The following CCNG1 variants were observed in gnomAD, a reference collection of about 807,000 sequenced individuals.
CCNG1 encodes the protein cyclin-G1.
CCNG1 carries 13 observed loss-of-function variants against 30.0 expected under a neutral mutation model. The observed-to-expected ratio is 0.43, with a 90% CI of 0.28 to 0.69. The LOEUF (loss-of-function observed/expected upper bound fraction) is 0.69, where lower values mean the gene tolerates loss of function less well. CCNG1 is among the 30% of genes least tolerant of loss of function. The pLI is 0.16. For synonymous variants in CCNG1, 110 were observed against 121.5 expected, an observed-to-expected ratio of 0.91 and a Z score of 0.62; for missense variants, 285 against 331.4, an observed-to-expected ratio of 0.86 and a Z score of 1.09.
downstream of CCNG1, chr5:163,448,263 A>C (rs1307977951): frequency 6.6e-6 from 1 of 152,152 alleles, no homozygotes; most frequent in African/African-American, 2.4e-5. Flanking sequence ...AACAATCAAA[A>C]AACTAATTTT....
At chr5:163,448,397 G>A (rs1408335392), downstream of CCNG1, 8 of 151,892 alleles carry the variant, frequency 5.3e-5, no homozygotes, top group African/African-American at 1.2e-4. Flanking sequence ...TCATTAGAAC[G>A]ACACAAAGAA....
the CCNG1 span, among the ~76,000 whole-genome samples, chr5:163,456,657 C>T: frequency 6.6e-6 from 1 of 152,212 alleles, no homozygotes; most frequent in South Asian, 2.1e-4. Flanking sequence ...ATTGATTCAA[C>T]TATAGTAAGA....
Position 163,439,437 on chromosome 5 carries a change from A to C in CCNG1, c.181A>C (p.Ser61Arg). Residue 61 changes from serine to arginine, a missense_variant, in exon 2 of 7, where the codon AGT becomes CGT. By Grantham distance (110) the Ser-to-Arg change is moderately radical. Transcript: ENST00000340828. ...GGACTTTGAAGTAAAAGATCTTCTT[A>C]GTCTAACTCAGTTCTTTGGCTTTGA... Reference protein sequence around the residue: ...LRDFEVKDLLSLTQFFGFDTE... With the variant: ...LRDFEVKDLLRLTQFFGFDTE... 6.2e-7 allele frequency: 1 copy of C among 1,613,926 alleles called. No individual in the cohort carries two copies.
At chr5:163,439,610 T>TC (rs375912615) in intron 2 of CCNG1, 90 bp downstream of exon 2, 2 of 1,065,604 alleles carry the variant, frequency 1.9e-6, no homozygotes, top group African/African-American at 3.2e-5. Flanking sequence ...AAACTTGACC[T>TC]TTTTTTTTTC....
In CCNG1 at chr5:163,441,938, T is replaced by G. The variant is rs1757833992; in HGVS notation, c.571T>G (p.Cys191Gly). Residue 191 changes from cysteine (C) to glycine (G), a missense_variant, in exon 4 of 7, where the codon TGC becomes GGC. By Grantham distance (159) the Cys-to-Gly change is radical. Coordinates refer to ENST00000340828, the MANE Select transcript of CCNG1 (RefSeq NM_004060.4). ...AGAAGCTCAACTGAAGGCATGTCAT[T>G]GCAGGATCATATTTTCTAAAGCAAA... ...RLEAQLKACH[C>G]RIIFSKAKPS... 1 of 1,609,392 alleles carries G rather than the reference T, an allele frequency of 6.2e-7. No homozygotes were observed. Among genetic ancestry groups the G allele is most frequent in the Admixed American group, 1.7e-5 (1 of 59,952 alleles).
At chr5:163,451,292 TTTC>T in the CCNG1 span, 8 of 152,224 alleles carry the variant, frequency 5.3e-5, no homozygotes, top group African/African-American at 1.9e-4. Context: ...ATAAAGCGTT[TTTC>T]TTAATTATAT....
At chr5:163,452,628 C>T in the CCNG1 span, 1 of 152,114 alleles carries the variant, frequency 6.6e-6, no homozygotes, top group African/African-American at 2.4e-5. Flanking sequence ...AAAATAACTA[C>T]AGTGGAGAAG....
At chr5:163,445,153 A>G (rs986453236), downstream of CCNG1, 2 of 152,156 alleles carry the variant, frequency 1.3e-5, no homozygotes, top group African/African-American at 4.8e-5. Context: ...TACCAGAAAC[A>G]ATAAAATCCC....
At position 163,440,994 on chromosome 5, in the gene CCNG1, G is replaced by T. The variant is rs1259480559; in HGVS notation, c.265-84G>T. 3.6e-6 allele frequency: 5 copies of T among 1,379,394 alleles called. No homozygotes were observed. In the East Asian group the frequency reaches 1.1e-4, roughly 32 times the overall value. The allele number at this position is 1,379,394 out of a possible 1,614,324, so 85.4% of individuals were successfully genotyped here. A position where few individuals can be genotyped will look rare whatever the true frequency, so the allele number is the denominator to read the frequency against. On this transcript the variant is annotated intron_variant, in intron 2 of 6. Coordinates refer to ENST00000340828, the MANE Select transcript of CCNG1 (RefSeq NM_004060.4). Reference sequence around the variant, plus strand: ...TCAAATATACATTTTCAAAATGTTGGGTCGGAGTTCTAGATTATCCTTTAT... The same window carrying T: ...TCAAATATACATTTTCAAAATGTTGTGTCGGAGTTCTAGATTATCCTTTAT...
chr5:163,442,239 T>C (rs1041184419), intron 5 of CCNG1, 96 bp downstream of exon 5: 32 of 1,106,176 alleles, frequency 2.9e-5, no homozygotes, highest in Middle Eastern at 4.4e-4. Flanking sequence ...ATATGTTTAT[T>C]TGAAACTTAA....
rs576065398 is a variant in CCNG1, at chr5:163,437,596, C to T, written c.-209C>T. The T allele has an allele frequency of 2.0e-5, 3 of 152,296 alleles. No homozygotes were observed. The highest frequency in any genetic ancestry group is 4.8e-5 in the African/African-American group (2 of 41,534). The allele number at this position is 152,296 out of a possible 1,614,324, so 9.4% of individuals were successfully genotyped here. A position where few individuals can be genotyped will look rare whatever the true frequency, so the allele number is the denominator to read the frequency against. ...ATTCCTCGTTAGGGCAGGCGCGGCC[C>T]CTTCGGCTCCGAGCTGACCCTGATC... On this transcript the variant is annotated 5_prime_UTR_variant, in exon 1 of 7. Transcript: ENST00000340828.
the CCNG1 span, chr5:163,453,400 C>G: frequency 3.3e-5 from 5 of 152,224 alleles, no homozygotes; most frequent in African/African-American, 1.2e-4. Context: ...AGGGTTTTAA[C>G]TATTTTTAAA....
chr5:163,443,203 T>TA (rs1482173200), intron 6 of CCNG1, among the ~76,000 whole-genome samples: 8 of 151,374 alleles, frequency 5.3e-5, no homozygotes, highest in African/African-American at 1.7e-4. Context: ...TCCCAGCTAC[T>TA]CGGGAGGCTG....
In CCNG1 at chr5:163,437,624, G is replaced by T. The variant is rs1210709144; in HGVS notation, c.-181G>T. ...TCGGCTCCGAGCTGACCCTGATCAG[G>T]GCCGAGTTGTCTCGGCGGCGCTGCC... On this transcript the variant is annotated 5_prime_UTR_variant, in exon 1 of 7. Coordinates refer to ENST00000340828, the MANE Select transcript of CCNG1 (RefSeq NM_004060.4). The T allele has an allele frequency of 6.6e-6, 1 of 152,124 alleles. No homozygotes were observed. The highest frequency in any genetic ancestry group is 1.5e-5 in the Non-Finnish European group (1 of 68,098). 9.4% of individuals were successfully genotyped at this position (152,124 alleles called of 1,614,324 possible).
At chr5:163,440,699 G>T (rs1757769229) in intron 2 of CCNG1, among the ~76,000 whole-genome samples, 1 of 152,152 alleles carries the variant, frequency 6.6e-6, no homozygotes, top group South Asian at 2.1e-4. Flanking sequence ...ATCCTGCAAA[G>T]AAATGGCTTA....
rs2069355 is a variant in CCNG1 at position 163,442,321 on chromosome 5, A to G, written c.697-53A>G. On this transcript the variant is annotated intron_variant, in intron 5 of 6. Coordinates refer to ENST00000340828, the MANE Select transcript of CCNG1 (RefSeq NM_004060.4). ...GGATTGCATTTATTAATGTAGTTAA[A>G]TAAGGTGGGACTTACTTGGAGTAAT... The G allele has an allele frequency of 2.1e-4, 294 of 1,370,104 alleles. 3 individuals are homozygous for G. The South Asian group carries it at 3.6e-3, about 17-fold the overall frequency. 84.9% of individuals were successfully genotyped at this position (1,370,104 alleles called of 1,614,324 possible).
intron 3 of CCNG1, 92 bp from the exon 4 acceptor site, chr5:163,441,789 GCTTTA>G (rs1757827781): frequency 1.4e-6 from 1 of 715,540 alleles, no homozygotes. Flanking sequence ...GTGTGCATAA[GCTTTA>G]CTTTAAAAAT....
chr5:163,444,008 TGGA>T lies in CCNG1; in HGVS notation c.*343_*345del, dbSNP rs1177156176. ...ATTTAGGTGGTATTGAAAATGCTAT[TGGA>T]GGAGTCACACTAATACTATCAACTA... On this transcript the variant is annotated 3_prime_UTR_variant, in exon 7 of 7. Coordinates refer to ENST00000340828, the MANE Select transcript of CCNG1 (RefSeq NM_004060.4). The T allele has an allele frequency of 3.6e-5, 11 of 307,590 alleles. No homozygotes were observed. In the East Asian group the frequency reaches 7.0e-4, roughly 20 times the overall value. 19.1% of individuals were successfully genotyped at this position (307,590 alleles called of 1,614,324 possible). A position where few individuals can be genotyped will look rare whatever the true frequency, so the allele number is the denominator to read the frequency against.
At chr5:163,439,136 C>A (rs1757664714) in intron 1 of CCNG1, 121 bp from the exon 2 acceptor site, 2 of 812,868 alleles carry the variant, frequency 2.5e-6, no homozygotes, top group Non-Finnish European at 4.0e-6. Flanking sequence ...GACTTAGATG[C>A]ACTAGCCGCA....
Sources: gnomAD v4.1 joint callset for allele counts (sites outside exome capture counted in the v4.1 genomes callset) on GRCh38, gnomAD v4.1.1 for gene constraint, MANE v1.5 for transcripts, NCBI Gene and HGNC (gene_info 2026-07-23, HGNC 2026-07-21) for gene names.